The following MDGA2 variants were observed in gnomAD, a reference collection of about 807,000 sequenced individuals.
MDGA2 encodes the protein MAM domain-containing glycosylphosphatidylinositol anchor protein 2.
In MDGA2, 40 loss-of-function variants were observed where a neutral mutation model predicts 117.8. That is an observed-to-expected ratio of 0.34 (90% CI 0.26 to 0.44). The LOEUF is 0.44. MDGA2 is among the 20% of genes least tolerant of loss of function. The pLI is 1.00. For synonymous variants in MDGA2, 452 were observed against 439.0 expected (o/e 1.03, Z -0.37); for missense variants, 1,123 against 1,250.6 (o/e 0.90, Z 1.54).
At chr14:47,230,685 C>A (rs1225467366) in intron 2 of MDGA2, among the ~76,000 whole-genome samples, 2 of 151,880 alleles carry the variant, frequency 1.3e-5, no homozygotes, top group Non-Finnish European at 2.9e-5. Context: ...TACCTTGCAA[C>A]ACTTGGAGAT....
At chr14:46,993,112 G>A (rs558146703) in intron 8 of MDGA2, among the ~76,000 whole-genome samples, 2 of 151,880 alleles carry the variant, frequency 1.3e-5, no homozygotes, top group East Asian at 3.9e-4. Flanking sequence ...AACCTCTGAT[G>A]AAAAAATGTT....
chr14:47,257,072 G>T (rs141358779), intron 2 of MDGA2, among the ~76,000 whole-genome samples: 58 of 152,282 alleles, frequency 3.8e-4, no homozygotes, highest in African/African-American at 1.3e-3. Flanking sequence ...TTGAAAGTTA[G>T]CTTAGTTGTG....
intron 1 of MDGA2, among the ~76,000 whole-genome samples, chr14:47,627,304 C>A (rs1032055453): frequency 5.3e-5 from 8 of 152,004 alleles, no homozygotes; most frequent in Non-Finnish European, 8.8e-5. Context: ...GTGAATGCAC[C>A]AATCGGCACT....
intron 1 of MDGA2, among the ~76,000 whole-genome samples, chr14:47,569,537 T>C (rs1895981186): frequency 6.6e-6 from 1 of 152,144 alleles, no homozygotes; most frequent in African/African-American, 2.4e-5. Context: ...GCAAGCACAA[T>C]GGAAACCAGC....
At chr14:47,157,617 G>GTC (rs1460126593) in intron 3 of MDGA2, among the ~76,000 whole-genome samples, 1 of 151,320 alleles carries the variant, frequency 6.6e-6, no homozygotes, top group African/African-American at 2.4e-5. Context: ...GTGTGTGTGT[G>GTC]TGTGTGTGTG....
chr14:47,467,032 T>G (rs954931799), intron 1 of MDGA2, among the ~76,000 whole-genome samples: 2 of 152,056 alleles, frequency 1.3e-5, no homozygotes, highest in African/African-American at 4.8e-5. Context: ...CTGAAGTAAT[T>G]GTAACTAAGG....
intron 1 of MDGA2, among the ~76,000 whole-genome samples, chr14:47,557,724 T>C (rs1370046540): frequency 6.6e-6 from 1 of 152,220 alleles, no homozygotes; most frequent in African/African-American, 2.4e-5. Flanking sequence ...TCAGGCACTA[T>C]AGATATAATG....
intron 2 of MDGA2, among the ~76,000 whole-genome samples, chr14:47,277,526 G>A (rs1038769964): frequency 1.4e-4 from 22 of 152,082 alleles, no homozygotes; most frequent in Non-Finnish European, 2.9e-4. Flanking sequence ...TAATTCTTAT[G>A]CATTTGATTG....
At chr14:47,221,264 T>TAGAGGTAGGACAGGCATGCTATTG (rs1886289245) in intron 2 of MDGA2, among the ~76,000 whole-genome samples, 1 of 151,878 alleles carries the variant, frequency 6.6e-6, no homozygotes, top group African/African-American at 2.4e-5. Context: ...TCTGGAATCT[T>TAGAGGTAGGACAGGCATGCTATTG]AAACCTTGGG....
At chr14:47,110,605 CTTTA>C (rs1394580211) in intron 5 of MDGA2, among the ~76,000 whole-genome samples, 5 of 152,072 alleles carry the variant, frequency 3.3e-5, no homozygotes, top group Non-Finnish European at 7.4e-5. Context: ...GACTCTGTAA[CTTTA>C]TTTTATAGAA....
At position 47,561,171 on chromosome 14, in the gene MDGA2, G is replaced by GTTTTTTTTTTTTTTTTTT. The variant is rs1594918273; in HGVS notation, c.280+113345_280+113346insAAAAAAAAAAAAAAAAAA. Among the ~76,000 whole-genome samples, 91 of 68,432 alleles carry GTTTTTTTTTTTTTTTTTT rather than the reference G, an allele frequency of 1.3e-3. 1 individual carries two copies. Among genetic ancestry groups the GTTTTTTTTTTTTTTTTTT allele is most frequent in the East Asian group, 6.0e-3 (6 of 1,006 alleles). 44.9% of individuals were successfully genotyped at this position (68,432 alleles called of 152,430 possible). ...TTTTTTTGTTTTGTTTTGTTTTTTTGTTTGTTTGTTTTTTTTTGCTTAGGA... is the reference window on the plus strand; with the variant it reads ...TTTTTTTGTTTTGTTTTGTTTTTTTGTTTTTTTTTTTTTTTTTTTTTGTTTGTTTTTTTTTGCTTAGGA... On this transcript the variant is annotated intron_variant, in intron 1 of 16. Transcript: ENST00000399232.
intron 8 of MDGA2, among the ~76,000 whole-genome samples, chr14:47,029,247 A>G (rs1888577361): frequency 6.6e-6 from 1 of 152,146 alleles, no homozygotes; most frequent in Admixed American, 6.6e-5. Flanking sequence ...AAAAAGCCTC[A>G]AAAATAAAAC....
At chr14:47,301,662 A>G (rs1425999603) in intron 1 of MDGA2, 112 bp from the exon 2 acceptor site, 23 of 1,125,832 alleles carry the variant, frequency 2.0e-5, no homozygotes, top group Non-Finnish European at 2.8e-5. Flanking sequence ...CCATAGTCAG[A>G]TTAGTCAGAT....
chr14:47,441,243 G>A (rs542212105), intron 1 of MDGA2, among the ~76,000 whole-genome samples: 1 of 152,170 alleles, frequency 6.6e-6, no homozygotes, highest in African/African-American at 2.4e-5. Flanking sequence ...AACAAGGGCA[G>A]CTGGTCACGG....
At chr14:47,087,960 CT>C (rs562893920) in intron 6 of MDGA2, among the ~76,000 whole-genome samples, 20 of 152,064 alleles carry the variant, frequency 1.3e-4, no homozygotes, top group African/African-American at 4.3e-4. Context: ...AAGATTTTCT[CT>C]TGGCTAGAGT....
chr14:47,495,506 G>C (rs1894263734), intron 1 of MDGA2, among the ~76,000 whole-genome samples: 1 of 152,082 alleles, frequency 6.6e-6, no homozygotes, highest in African/African-American at 2.4e-5. Flanking sequence ...ACAGGTAATA[G>C]TCTAATAAAT....
rs34675658 is a variant in MDGA2, at chr14:47,295,931, AAGATAGATAGATAGATAGAT to A, written c.420+5460_420+5479del. ...AAATATACATATATAGATAGATGAT[AAGATAGATAGATAGATAGAT>A]AGATAGATAGATAGATAGATAGATA... On this transcript the variant is annotated intron_variant, in intron 2 of 16. Transcript: ENST00000399232. Among the ~76,000 whole-genome samples, 4 of 132,540 alleles carry A rather than the reference AAGATAGATAGATAGATAGAT, an allele frequency of 3.0e-5. No individual in the cohort carries two copies. In the East Asian group the frequency reaches 6.4e-4, roughly 21 times the overall value. 87.0% of individuals were successfully genotyped at this position (132,540 alleles called of 152,430 possible). A position where few individuals can be genotyped will look rare whatever the true frequency, so the allele number is the denominator to read the frequency against.
chr14:47,531,266 A>T (rs1439876264), intron 1 of MDGA2, among the ~76,000 whole-genome samples: 1 of 152,012 alleles, frequency 6.6e-6, no homozygotes, highest in Non-Finnish European at 1.5e-5. Flanking sequence ...ACAAACAAAA[A>T]CCACCTAATT....
Position 47,035,050 on chromosome 14 carries a change from C to A in MDGA2, c.1780G>T (p.Val594Leu). 6.2e-7 allele frequency: 1 copy of A among 1,613,988 alleles called. No homozygotes were observed. Among genetic ancestry groups the A allele is most frequent in the African/African-American group, 1.3e-5 (1 of 75,034 alleles). ...TGCACCAAGGCTTCCCTTGGTTTCA[C>A]GTTAAATCCATTGTATTGGCTGGTC... is the stretch of plus-strand genomic sequence containing the variant. ...CQTSQYNGFN[V>L]KPREALVQLI... Residue 594 changes from valine to leucine, a missense_variant, in exon 8 of 17, where the codon GTG becomes TTG. Transcript: ENST00000399232.
Sources: allele counts gnomAD v4.1 joint callset (sites outside exome capture counted in the v4.1 genomes callset), GRCh38; gene constraint gnomAD v4.1.1; transcripts MANE v1.5; gene names NCBI Gene and HGNC (gene_info 2026-07-23, HGNC 2026-07-21).